MUC15: variants seen among roughly 807,000 people sequenced by gnomAD.
MUC15 encodes the protein mucin-15.
A neutral mutation model predicts 24.0 loss-of-function variants in MUC15; 23 were observed. That is an observed-to-expected ratio of 0.96 (90% CI 0.69 to 1.36). The LOEUF (loss-of-function observed/expected upper bound fraction) is 1.36. MUC15 is among the 40% of genes most tolerant of loss of function. The pLI is 0.00. For synonymous variants in MUC15, 151 were observed against 156.3 expected (o/e 0.97, Z 0.25); for missense variants, 442 against 428.2 (o/e 1.03, Z -0.29).
At chr11:26,564,364 T>C (rs1393416264) in intron 3 of MUC15, among the ~76,000 whole-genome samples, 1 of 151,526 alleles carries the variant, frequency 6.6e-6, no homozygotes, top group Non-Finnish European at 1.5e-5. Flanking sequence ...TGATTTGTTT[T>C]TTACATTACT....
intron 1 of MUC15, among the ~76,000 whole-genome samples, chr11:26,571,253 A>G (rs1850813646): frequency 6.6e-6 from 1 of 152,142 alleles, no homozygotes; most frequent in East Asian, 1.9e-4. Context: ...CTTCTGTATC[A>G]TACTGTAATG....
In MUC15 at chr11:26,565,314, G is replaced by A. The variant is rs182567780; in HGVS notation, c.626C>T (p.Pro209Leu). 1 of 1,610,814 alleles carries A rather than the reference G, an allele frequency of 6.2e-7. No individual in the cohort carries two copies. The highest frequency in any genetic ancestry group is 2.2e-5 in the East Asian group (1 of 44,822). ...CCATCCACTTGGTTCCACTATCAAGGGGGTCACAGATGGAGAAGTTGGTTC... is the reference window on the plus strand; with the variant it reads ...CCATCCACTTGGTTCCACTATCAAGAGGGTCACAGATGGAGAAGTTGGTTC... ...SSEPTSPSVT[P>L]LIVEPSGWLT... The change falls in exon 3 of 5, where the codon CCC becomes CTC. Residue 209 changes from proline to leucine, a missense_variant. Transcript: ENST00000529533.
At chr11:26,567,308 A>G (rs956623371) in intron 1 of MUC15, among the ~76,000 whole-genome samples, 169 bp from the exon 2 acceptor site, 3 of 151,736 alleles carry the variant, frequency 2.0e-5, no homozygotes, top group African/African-American at 7.3e-5. Context: ...ATTGAACCTT[A>G]TTTTTCACTG....
chr11:26,565,741 T>G lies in MUC15; in HGVS notation c.199A>C (p.Lys67Gln). 1 of 1,606,076 alleles carries G rather than the reference T, an allele frequency of 6.2e-7. No individual in the cohort carries two copies. Among genetic ancestry groups the G allele is most frequent in the Non-Finnish European group, 8.5e-7 (1 of 1,174,196 alleles). ...GAAATAGGTTTATTTTCCATTGTTT[T>G]AAAAACTTCTGCAATGTTCTGTGTT... is the stretch of plus-strand genomic sequence containing the variant. ...NTTQNIAEVF[K>Q]TMENKPISLE... is the part of the protein sequence containing the mutation. Residue 67 changes from lysine to glutamine, a missense_variant, in exon 3 of 5, where the codon AAA becomes CAA. Lys to Gln is a moderately conservative substitution (Grantham distance 53). Transcript: ENST00000529533.
At chr11:26,561,344 CT>C in intron 4 of MUC15, 119 bp from the exon 5 acceptor site, 2 of 720,708 alleles carry the variant, frequency 2.8e-6, no homozygotes, top group Non-Finnish European at 4.1e-6. Context: ...TTTATATGGG[CT>C]TTTTAGATTT....
chr11:26,560,495 T>C lies in MUC15; in HGVS notation c.*570A>G, dbSNP rs1850244761. 1 of 152,414 alleles carries C rather than the reference T, an allele frequency of 6.6e-6. No individual in the cohort carries two copies. The allele number at this position is 152,414 out of a possible 1,614,324, so 9.4% of individuals were successfully genotyped here. On this transcript the variant is annotated 3_prime_UTR_variant, in exon 5 of 5. Transcript: ENST00000529533. ...GCTTCATAACTCAGTGGGCTGATCA[T>C]GTGTGTGCTGATCTAGAAAATTATA...
chr11:26,562,044 T>C (rs1288055340), intron 4 of MUC15, among the ~76,000 whole-genome samples: 1 of 151,908 alleles, frequency 6.6e-6, no homozygotes, highest in African/African-American at 2.4e-5. Flanking sequence ...AAAACAGTTG[T>C]TGTGGATTGA....
Position 26,559,635 on chromosome 11 carries a change from T to A in MUC15, c.*1430A>T. ...TAATATGATTCTATTTGAGAAAAAA[T>A]CATAGTACCTGAGTGCAAACAGTAT... On this transcript the variant is annotated 3_prime_UTR_variant, in exon 5 of 5. Transcript: ENST00000529533. The A allele has an allele frequency of 5.4e-6, 5 of 921,408 alleles. No homozygotes were observed. The highest frequency in any genetic ancestry group is 5.4e-5 in the South Asian group (4 of 74,422). 57.1% of individuals were successfully genotyped at this position (921,408 alleles called of 1,614,324 possible).
chr11:26,559,538 T>G lies in MUC15; in HGVS notation c.*1527A>C. 7.2e-5 allele frequency: 41 copies of G among 565,918 alleles called. No individual in the cohort carries two copies. The highest frequency in any genetic ancestry group is 9.7e-4 in the Middle Eastern group (2 of 2,068). 35.1% of individuals were successfully genotyped at this position (565,918 alleles called of 1,614,324 possible). A position where few individuals can be genotyped will look rare whatever the true frequency, so the allele number is the denominator to read the frequency against. On this transcript the variant is annotated 3_prime_UTR_variant, in exon 5 of 5. Transcript: ENST00000529533. ...AATGTTGTTTCTTCACCTCTCCCCA[T>G]GAGAAAAATCATGTGAAATTGTTGC...
rs753829267 is a variant in MUC15 at position 26,559,706 on chromosome 11, G to A, written c.*1359C>T. The A allele has an allele frequency of 2.7e-5, 43 of 1,603,902 alleles. No homozygotes were observed. The highest frequency in any genetic ancestry group is 3.0e-5 in the Non-Finnish European group (35 of 1,171,242). On this transcript the variant is annotated 3_prime_UTR_variant, in exon 5 of 5. Transcript: ENST00000529533. ...ATTTGCATGACTAATATTTCTGTTTGTTTTCTACTCAGGTGACATATTTGT... is the reference window on the plus strand; with the variant it reads ...ATTTGCATGACTAATATTTCTGTTTATTTTCTACTCAGGTGACATATTTGT...
At chr11:26,563,883 T>C in intron 3 of MUC15, among the ~76,000 whole-genome samples, 1 of 151,854 alleles carries the variant, frequency 6.6e-6, no homozygotes, top group Non-Finnish European at 1.5e-5. Context: ...TGTATTATTC[T>C]TTTCACTCGG....
Position 26,563,252 on chromosome 11 carries a change from T to C in MUC15, c.789A>G (p.Thr263=). The C allele has an allele frequency of 6.3e-7, 1 of 1,597,764 alleles. No individual in the cohort carries two copies. The highest frequency in any genetic ancestry group is 8.5e-7 in the Non-Finnish European group (1 of 1,173,284). Residue 263 remains threonine, a synonymous_variant, in exon 4 of 5, where the codon ACA becomes ACG. Coordinates refer to ENST00000529533, the MANE Select transcript of MUC15 (RefSeq NM_001135091.2). ...TSDPQKENRN[T]GIVFGAILGA... is the part of the protein sequence containing the mutation. The stretch of plus-strand genomic sequence containing the variant: ...CTAAAATGGCCCCGAATACTATTCC[T>C]GTATTTCTATTTTCTACAGGACAAA...
chr11:26,564,722 CACACACACACATATAT>C (rs1565108681), intron 3 of MUC15, among the ~76,000 whole-genome samples: 24 of 66,952 alleles, frequency 3.6e-4, no homozygotes, highest in Non-Finnish European at 3.5e-4. Flanking sequence ...CACACACACA[CACACACACACATATAT>C]ATATATATAT....
intron 2 of MUC15, 89 bp from the exon 3 acceptor site, chr11:26,565,985 T>A: frequency 8.0e-7 from 1 of 1,243,628 alleles, no homozygotes; most frequent in Non-Finnish European, 1.1e-6. Flanking sequence ...GATAAAAATC[T>A]AGACATAATA....
In MUC15 at chr11:26,572,239, G is replaced by A. The variant is rs1032136553; in HGVS notation, c.-244C>T. 3.5e-5 allele frequency: 34 copies of A among 985,262 alleles called. No homozygotes were observed. The highest frequency in any genetic ancestry group is 4.1e-5 in the Non-Finnish European group (34 of 829,988). The allele number at this position is 985,262 out of a possible 1,614,324, so 61.0% of individuals were successfully genotyped here. A position where few individuals can be genotyped will look rare whatever the true frequency, so the allele number is the denominator to read the frequency against. ...TAACAGAGCGCCCAGGAACCTGACT[G>A]ACCTGCTTCTCAGCTGTAAGCATTA... On this transcript the variant is annotated 5_prime_UTR_variant, in exon 1 of 5. Transcript: ENST00000529533.
intron 4 of MUC15, among the ~76,000 whole-genome samples, chr11:26,561,629 T>C (rs978324864): frequency 6.6e-6 from 1 of 151,972 alleles, no homozygotes; most frequent in Admixed American, 6.6e-5. Context: ...ATTTTTAAAT[T>C]AATGTTATTA....
In MUC15 at chr11:26,567,101, G is replaced by A; in HGVS notation, c.-7C>T. ...TAGATTGTATTATGCCCATTTTGCA[G>A]ATGAAGAAACTGAAGCTCACAATGG... On this transcript the variant is annotated 5_prime_UTR_variant, in exon 2 of 5. Transcript: ENST00000529533. The A allele has an allele frequency of 2.0e-6, 3 of 1,469,674 alleles. No homozygotes were observed. The highest frequency in any genetic ancestry group is 2.7e-6 in the Non-Finnish European group (3 of 1,103,738). 91.0% of individuals were successfully genotyped at this position (1,469,674 alleles called of 1,614,324 possible).
chr11:26,564,692 TACAC>T (rs370277580), intron 3 of MUC15, among the ~76,000 whole-genome samples: 2,236 of 40,844 alleles, frequency 0.055, 349 homozygotes, highest in South Asian at 0.079. Context: ...CTCATATATA[TACAC>T]ACACACACAC....
rs931218574 is a variant in MUC15, at chr11:26,565,977, T to C, written c.44-81A>G. 12 of 1,295,120 alleles carry C rather than the reference T, an allele frequency of 9.3e-6. No homozygotes were observed. In the East Asian group the frequency reaches 2.3e-4, roughly 25 times the overall value. 80.2% of individuals were successfully genotyped at this position (1,295,120 alleles called of 1,614,324 possible). A position where few individuals can be genotyped will look rare whatever the true frequency, so the allele number is the denominator to read the frequency against. On this transcript the variant is annotated intron_variant, in intron 2 of 4. Transcript: ENST00000529533. ...AATGGATCTATATATTTTAAAGTGA[T>C]AAAAATCTAGACATAATATAGAGAT...
Sources: gnomAD v4.1 joint callset for allele counts (sites outside exome capture counted in the v4.1 genomes callset) on GRCh38, gnomAD v4.1.1 for gene constraint, MANE v1.5 for transcripts, NCBI Gene and HGNC (gene_info 2026-07-23, HGNC 2026-07-21) for gene names.